Variants in GABRG3 observed in about 807,000 individuals in gnomAD.
GABRG3 encodes the protein gamma-aminobutyric acid type A receptor subunit gamma3, also known as gamma-aminobutyric acid receptor subunit gamma-3.
GABRG3 carries 25 observed loss-of-function variants against 48.8 expected under a neutral mutation model. The observed-to-expected ratio is 0.51, with a 90% CI of 0.37 to 0.72. The LOEUF (loss-of-function observed/expected upper bound fraction) is 0.72. Among genes scored for constraint, GABRG3 ranks in the 30% least tolerant of loss-of-function variants. The pLI is 0.00. For missense variants in GABRG3, 394 were observed against 577.9 expected (o/e 0.68, Z 3.26); for synonymous variants, 227 against 217.6 (o/e 1.04, Z -0.38).
chr15:27,442,532 C>T (rs953440595), intron 5 of GABRG3, among the ~76,000 whole-genome samples: 2 of 152,210 alleles, frequency 1.3e-5, no homozygotes, highest in Non-Finnish European at 2.9e-5. Flanking sequence ...GCCCAGCATA[C>T]ACGCATCCTA....
chr15:27,008,799 G>A (rs956997888), intron 2 of GABRG3, among the ~76,000 whole-genome samples: 17 of 152,252 alleles, frequency 1.1e-4, no homozygotes, highest in East Asian at 5.8e-4. Context: ...CGCCGTGAGC[G>A]GACATCTCTG....
intron 3 of GABRG3, among the ~76,000 whole-genome samples, chr15:27,275,205 G>T (rs555335097): frequency 1.3e-5 from 2 of 152,300 alleles, no homozygotes; most frequent in South Asian, 2.1e-4. Context: ...ATGTTAAGTA[G>T]ATTTGCAGTC....
intron 9 of GABRG3, among the ~76,000 whole-genome samples, chr15:27,531,798 A>G (rs928134091): frequency 1.3e-5 from 2 of 152,232 alleles, no homozygotes; most frequent in Non-Finnish European, 2.9e-5. Flanking sequence ...AGGGTTAGGA[A>G]TGATTCTTCT....
intron 4 of GABRG3, 149 bp from the exon 5 acceptor site, chr15:27,328,657 C>T (rs770358838): frequency 6.9e-5 from 44 of 634,336 alleles, no homozygotes; most frequent in Non-Finnish European, 1.1e-4. Flanking sequence ...ACAGTCTCAC[C>T]GTGAATGGTT....
chr15:27,011,130 G>A (rs1365304266), intron 2 of GABRG3, among the ~76,000 whole-genome samples: 5 of 152,160 alleles, frequency 3.3e-5, no homozygotes, highest in Non-Finnish European at 7.4e-5. Context: ...GCCTCCCAAA[G>A]TGCTGGGATT....
At chr15:27,416,561 G>C (rs1208107120) in intron 5 of GABRG3, among the ~76,000 whole-genome samples, 1 of 152,180 alleles carries the variant, frequency 6.6e-6, no homozygotes, top group African/African-American at 2.4e-5. Flanking sequence ...TAAGAATAAG[G>C]TAGAGCTTCG....
intron 6 of GABRG3, among the ~76,000 whole-genome samples, chr15:27,509,795 G>A (rs1367998563): frequency 6.6e-6 from 1 of 152,102 alleles, no homozygotes; most frequent in Non-Finnish European, 1.5e-5. Flanking sequence ...TTCTCCATTA[G>A]AGCCATTAAC....
chr15:27,376,678 A>G (rs1209650692), intron 5 of GABRG3, among the ~76,000 whole-genome samples: 1 of 152,154 alleles, frequency 6.6e-6, no homozygotes, highest in African/African-American at 2.4e-5. Flanking sequence ...GCTGGGATGC[A>G]GGGCACCAAG....
chr15:27,379,121 GTCATC>G (rs1328186446), intron 5 of GABRG3, among the ~76,000 whole-genome samples: 1 of 152,188 alleles, frequency 6.6e-6, no homozygotes, highest in African/African-American at 2.4e-5. Flanking sequence ...TCTCTCAAAT[GTCATC>G]TCTTCTTTGT....
At chr15:27,359,700 T>G (rs565687993) in intron 5 of GABRG3, among the ~76,000 whole-genome samples, 1 of 152,324 alleles carries the variant, frequency 6.6e-6, no homozygotes, top group South Asian at 2.1e-4. Context: ...TGTAAACGTT[T>G]CCATAAGTCG....
At chr15:27,424,773 C>T (rs547652807) in intron 5 of GABRG3, among the ~76,000 whole-genome samples, 8 of 152,184 alleles carry the variant, frequency 5.3e-5, no homozygotes, top group African/African-American at 1.4e-4. Flanking sequence ...AGGCTGGTCT[C>T]GAACTCCTGA....
intron 3 of GABRG3, among the ~76,000 whole-genome samples, chr15:27,064,479 T>G (rs999213627): frequency 1.3e-5 from 2 of 152,308 alleles, no homozygotes; most frequent in Admixed American, 1.3e-4. Flanking sequence ...AAGGGAACGC[T>G]GGGCTTTCTG....
rs143663238 is a variant in GABRG3 at position 27,515,057 on chromosome 15, T to C, written c.713-4915T>C. ...TTGATAAATTTAATTTCCCTAAAAT[T>C]AGGAACTTCTTTTTTAATGTTTCTT... On this transcript the variant is annotated intron_variant, in intron 6 of 9. Transcript: ENST00000615808. Among the ~76,000 whole-genome samples, 25 of 152,124 alleles carry C rather than the reference T, an allele frequency of 1.6e-4. No homozygotes were observed. The East Asian group carries it at 3.1e-3, about 19-fold the overall frequency.
In GABRG3 at chr15:27,350,465, G is replaced by A. The variant is rs547166415; in HGVS notation, c.574+21577G>A. 1.5e-4 allele frequency: 47 copies of A among 306,738 alleles called. 1 individual carries two copies. The highest frequency in any genetic ancestry group is 9.5e-4 in the African/African-American group (44 of 46,150). 19.0% of individuals were successfully genotyped at this position (306,738 alleles called of 1,614,324 possible). A position where few individuals can be genotyped will look rare whatever the true frequency, so the allele number is the denominator to read the frequency against. ...CAGTAAATAAAAATGGACACATTCA[G>A]TATAAGCAGAAGCCTTCTGTCCTCA... On this transcript the variant is annotated intron_variant, in intron 5 of 9. Transcript: ENST00000615808.
In GABRG3 at chr15:27,536,602, C is replaced by T. The variant is rs1046360586; in HGVS notation, c.*3721C>T. ...AAAATGCGTGTTCTCAAGAGCAAAG[C>T]ATTTTCACTCTACATAAGGGAAATT... On this transcript the variant is annotated 3_prime_UTR_variant, in exon 10 of 10. Coordinates refer to ENST00000615808, the MANE Select transcript of GABRG3 (RefSeq NM_033223.5). 2 of 152,156 alleles carry T rather than the reference C, an allele frequency of 1.3e-5. No homozygotes were observed. The highest frequency in any genetic ancestry group is 2.9e-5 in the Non-Finnish European group (2 of 68,024). 9.4% of individuals were successfully genotyped at this position (152,156 alleles called of 1,614,324 possible). A position where few individuals can be genotyped will look rare whatever the true frequency, so the allele number is the denominator to read the frequency against.
intron 3 of GABRG3, among the ~76,000 whole-genome samples, chr15:27,046,061 C>T (rs959067166): frequency 6.6e-6 from 1 of 152,078 alleles, no homozygotes; most frequent in African/African-American, 2.4e-5. Context: ...GAAGGGATGC[C>T]CTTGAATCCT....
intron 5 of GABRG3, among the ~76,000 whole-genome samples, chr15:27,389,235 G>T (rs1896147480): frequency 6.6e-6 from 1 of 152,204 alleles, no homozygotes; most frequent in African/African-American, 2.4e-5. Context: ...AGAAGCTACA[G>T]AGAGTTGCCA....
In GABRG3 at chr15:27,385,636, A is replaced by G. The variant is rs564479862; in HGVS notation, c.574+56748A>G. Reference sequence around the variant, plus strand: ...GATCATTAAGTTCACTGATTATTCTATCAGCTCAAATCTGCTGTTGAGTTC... The same window carrying G: ...GATCATTAAGTTCACTGATTATTCTGTCAGCTCAAATCTGCTGTTGAGTTC... On this transcript the variant is annotated intron_variant, in intron 5 of 9. Transcript: ENST00000615808. Among the ~76,000 whole-genome samples, 214 of 152,260 alleles carry G rather than the reference A, an allele frequency of 1.4e-3. No homozygotes were observed. In the Middle Eastern group the frequency reaches 0.017, roughly 12 times the overall value.
intron 3 of GABRG3, among the ~76,000 whole-genome samples, chr15:27,059,992 C>A (rs973566252): frequency 6.6e-6 from 1 of 152,162 alleles, no homozygotes; most frequent in Non-Finnish European, 1.5e-5. Context: ...TTTATTATAA[C>A]CTTTAGTAAT....
Sources: gnomAD v4.1 joint callset for allele counts (sites outside exome capture counted in the v4.1 genomes callset) on GRCh38, gnomAD v4.1.1 for gene constraint, MANE v1.5 for transcripts, NCBI Gene and HGNC (gene_info 2026-07-23, HGNC 2026-07-21) for gene names.